MPP7: variants seen among roughly 807,000 people sequenced by gnomAD.
MPP7 encodes the protein MAGUK p55 subfamily member 7.
In MPP7, 60 loss-of-function variants were observed where a neutral mutation model predicts 76.5. The observed-to-expected ratio is 0.78, with a 90% CI of 0.64 to 0.97. The LOEUF is 0.97. Among genes scored for constraint, MPP7 ranks in the 50% least tolerant of loss-of-function variants. MPP7 has a pLI of 0.00. For missense variants in MPP7, 641 were observed against 694.0 expected (o/e 0.92, Z 0.86); for synonymous variants, 237 against 244.5 (o/e 0.97, Z 0.29).
chr10:28,210,340 A>G (rs1838091327), intron 2 of MPP7, among the ~76,000 whole-genome samples: 1 of 152,138 alleles, frequency 6.6e-6, no homozygotes, highest in Non-Finnish European at 1.5e-5. Flanking sequence ...CACCAACCTA[A>G]TATATACCTG....
At chr10:28,073,020 C>T (rs1852309522) in intron 12 of MPP7, among the ~76,000 whole-genome samples, 1 of 152,202 alleles carries the variant, frequency 6.6e-6, no homozygotes, top group African/African-American at 2.4e-5. Context: ...ACAGCAGTAA[C>T]ATCACGCATT....
intron 12 of MPP7, among the ~76,000 whole-genome samples, 157 bp downstream of exon 12, chr10:28,089,514 G>T (rs561720876): frequency 6.6e-6 from 1 of 152,070 alleles, no homozygotes; most frequent in Non-Finnish European, 1.5e-5. Context: ...AGTCAATTAC[G>T]TACAAAAAAC....
intron 12 of MPP7, among the ~76,000 whole-genome samples, chr10:28,082,560 A>T (rs1313756365): frequency 6.6e-6 from 1 of 152,012 alleles, no homozygotes; most frequent in East Asian, 1.9e-4. Flanking sequence ...TGACTCATGC[A>T]ATCCTCTCAT....
At chr10:28,262,268 T>C (rs1840011031) in intron 1 of MPP7, among the ~76,000 whole-genome samples, 6 of 60,560 alleles carry the variant, frequency 9.9e-5, no homozygotes, top group African/African-American at 4.3e-4. Flanking sequence ...TGTATATATA[T>C]ATATATATAT....
At chr10:28,287,238 C>T (rs560359762) in intron 1 of MPP7, among the ~76,000 whole-genome samples, 3 of 152,074 alleles carry the variant, frequency 2.0e-5, no homozygotes, top group Non-Finnish European at 4.4e-5. Flanking sequence ...GTATCTGCCA[C>T]CAAGAGTGTG....
In MPP7 at chr10:28,052,764, A is replaced by C. The variant is rs1851406503; in HGVS notation, c.*1301T>G. On this transcript the variant is annotated 3_prime_UTR_variant, in exon 17 of 17. Transcript: ENST00000683449. Reference sequence around the variant, plus strand: ...CACATGACATTTAAACTCTCTTTACAAATCAACAAAAAAATAACATTTTTT... The same window carrying C: ...CACATGACATTTAAACTCTCTTTACCAATCAACAAAAAAATAACATTTTTT... The C allele has an allele frequency of 6.6e-6, 1 of 152,184 alleles. No homozygotes were observed. The highest frequency in any genetic ancestry group is 2.1e-4 in the South Asian group (1 of 4,830). The allele number at this position is 152,184 out of a possible 1,614,324, so 9.4% of individuals were successfully genotyped here.
chr10:28,112,323 A>G (rs1834530221), intron 11 of MPP7, among the ~76,000 whole-genome samples: 2 of 152,148 alleles, frequency 1.3e-5, no homozygotes, highest in Non-Finnish European at 2.9e-5. Flanking sequence ...TTTTTATAGG[A>G]CCAATGGGAT....
intron 3 of MPP7, among the ~76,000 whole-genome samples, chr10:28,174,262 C>T (rs1021703375): frequency 6.6e-6 from 1 of 152,088 alleles, no homozygotes; most frequent in African/African-American, 2.4e-5. Context: ...CTTTTGGCCC[C>T]ACTAAGTCTC....
chr10:28,157,349 C>G (rs1315496231), intron 3 of MPP7, among the ~76,000 whole-genome samples: 2 of 152,190 alleles, frequency 1.3e-5, no homozygotes, highest in Non-Finnish European at 2.9e-5. Flanking sequence ...CCTCTGCCCA[C>G]AAGCCCAAAT....
At chr10:28,180,962 C>A (rs1837039240) in intron 3 of MPP7, among the ~76,000 whole-genome samples, 1 of 152,160 alleles carries the variant, frequency 6.6e-6, no homozygotes, top group Admixed American at 6.5e-5. Flanking sequence ...GTAAACAGCA[C>A]TACTGCAGGA....
intron 2 of MPP7, among the ~76,000 whole-genome samples, chr10:28,203,404 A>G (rs1432847036): frequency 6.6e-6 from 1 of 151,898 alleles, no homozygotes; most frequent in Non-Finnish European, 1.5e-5. Context: ...ATTAGGTACC[A>G]TATTGAAAAT....
At chr10:28,066,879 T>C (rs936663027) in intron 13 of MPP7, among the ~76,000 whole-genome samples, 2 of 152,260 alleles carry the variant, frequency 1.3e-5, no homozygotes, top group Non-Finnish European at 2.9e-5. Flanking sequence ...CAGTATTCCA[T>C]TGTATGCATA....
At chr10:28,284,434 C>T (rs1167194174) in intron 1 of MPP7, among the ~76,000 whole-genome samples, 1 of 152,176 alleles carries the variant, frequency 6.6e-6, no homozygotes, top group Non-Finnish European at 1.5e-5. Flanking sequence ...TTTCAAGTCA[C>T]AGGCAGCATT....
intron 2 of MPP7, among the ~76,000 whole-genome samples, chr10:28,217,947 G>A (rs1432822205): frequency 6.6e-6 from 1 of 152,308 alleles, no homozygotes; most frequent in South Asian, 2.1e-4. Flanking sequence ...GGTTCAGAAC[G>A]CCTAAAGAGA....
intron 1 of MPP7, among the ~76,000 whole-genome samples, chr10:28,251,926 A>C (rs987429312): frequency 7.2e-5 from 11 of 151,908 alleles, no homozygotes; most frequent in Admixed American, 1.3e-4. Flanking sequence ...ACAAAAAAAA[A>C]CTTTTTCCAT....
chr10:28,169,882 T>A (rs1836621228), intron 3 of MPP7, among the ~76,000 whole-genome samples: 1 of 152,184 alleles, frequency 6.6e-6, no homozygotes, highest in Non-Finnish European at 1.5e-5. Context: ...GAATGACAGT[T>A]TTGTTTCTTT....
chr10:28,127,032 C>T (rs868649254), intron 6 of MPP7, among the ~76,000 whole-genome samples: 1 of 152,176 alleles, frequency 6.6e-6, no homozygotes, highest in South Asian at 2.1e-4. Context: ...CAAGTGAGAA[C>T]CTCCCAGCTG....
At chr10:28,121,075 A>C (rs1463616955) in intron 8 of MPP7, among the ~76,000 whole-genome samples, 1 of 152,134 alleles carries the variant, frequency 6.6e-6, no homozygotes, top group African/African-American at 2.4e-5. Context: ...TTTGGGAGGC[A>C]AGGTGGCAGG....
chr10:28,312,603 G>A (rs915512746), intron 2 of MPP7, among the ~76,000 whole-genome samples: 1 of 152,040 alleles, frequency 6.6e-6, no homozygotes, highest in Non-Finnish European at 1.5e-5. Context: ...CAAAATACGT[G>A]AACACTTTGT....
Sources: allele counts gnomAD v4.1 joint callset (sites outside exome capture counted in the v4.1 genomes callset), GRCh38; gene constraint gnomAD v4.1.1; transcripts MANE v1.5; gene names NCBI Gene and HGNC (gene_info 2026-07-23, HGNC 2026-07-21).